The following ZNF626 variants were observed in gnomAD, a reference collection of about 807,000 sequenced individuals.
ZNF626 encodes zinc finger protein 626.
Under a neutral mutation model 11.7 loss-of-function variants are expected in ZNF626, and 4 were observed. The ratio of observed to expected loss-of-function variants is 0.34; its 90% CI spans 0.17 to 0.78. The LOEUF is 0.78. Among genes scored for constraint, ZNF626 ranks in the 30% least tolerant of loss-of-function variants. The pLI is 0.57. For missense variants in ZNF626, 588 were observed against 587.1 expected (o/e 1.00, Z -0.01); for synonymous variants, 179 against 198.6 (o/e 0.90, Z 0.83).
intron 3 of ZNF626, among the ~76,000 whole-genome samples, chr19:20,640,199 A>G (rs1221510032): frequency 4.1e-5 from 4 of 97,270 alleles, no homozygotes; most frequent in Non-Finnish European, 7.2e-5. Context: ...AAAATATTTT[A>G]ATTTTTTAAT....
intron 1 of ZNF626, among the ~76,000 whole-genome samples, chr19:20,648,636 G>A (rs572983808): frequency 1.2e-4 from 18 of 152,248 alleles, no homozygotes; most frequent in Admixed American, 5.2e-4. Context: ...CTCCCAAAGT[G>A]CTGGGATTAT....
chr19:20,651,377 T>G (rs1244277408), intron 1 of ZNF626, among the ~76,000 whole-genome samples: 3 of 151,240 alleles, frequency 2.0e-5, no homozygotes, highest in Admixed American at 6.6e-5. Flanking sequence ...TAGACTAAGT[T>G]TCTGGATTGT....
At chr19:20,652,218 T>C (rs1970153672) in intron 1 of ZNF626, among the ~76,000 whole-genome samples, 1 of 151,924 alleles carries the variant, frequency 6.6e-6, no homozygotes, top group Non-Finnish European at 1.5e-5. Flanking sequence ...TCCTTTGGTG[T>C]TACAGCAAGT....
At chr19:20,632,660 T>C (rs1278826402) in intron 3 of ZNF626, among the ~76,000 whole-genome samples, 1 of 152,212 alleles carries the variant, frequency 6.6e-6, no homozygotes, top group African/African-American at 2.4e-5. Flanking sequence ...AGAACTTCTC[T>C]GCATTGGTTA....
rs916034208 is a variant in ZNF626, at chr19:20,623,451, T to C, written c.*839A>G. On this transcript the variant is annotated 3_prime_UTR_variant, in exon 4 of 4. Transcript: ENST00000601440. ...GTGTTGAAAAAAGCACTGTCACATC[T>C]TTCAGGTTTGTAGAGTTCCTCTTCA... The C allele has an allele frequency of 4.6e-5, 7 of 152,456 alleles. No homozygotes were observed. Among genetic ancestry groups the C allele is most frequent in the African/African-American group, 1.7e-4 (7 of 41,436 alleles). 9.4% of individuals were successfully genotyped at this position (152,456 alleles called of 1,614,324 possible).
At chr19:20,628,555 T>C (rs1969866460) in intron 3 of ZNF626, among the ~76,000 whole-genome samples, 1 of 152,086 alleles carries the variant, frequency 6.6e-6, no homozygotes, top group Non-Finnish European at 1.5e-5. Flanking sequence ...TTTTCATCTG[T>C]TTTTTTGGCT....
Position 20,625,522 on chromosome 19 carries a change from T to C in ZNF626, c.355A>G (p.Ser119Gly). ...DNLQLKKGCI[S>G]VDECKVHKEG... ...TTGTGCACCTTACACTCATCCACACTTATACATCCTTTTTTTAACTGTAAA... is the reference window on the plus strand; with the variant it reads ...TTGTGCACCTTACACTCATCCACACCTATACATCCTTTTTTTAACTGTAAA... The change falls in exon 4 of 4, where the codon AGT becomes GGT. Residue 119 changes from serine (S) to glycine (G), a missense_variant. Coordinates refer to ENST00000601440, the MANE Select transcript of ZNF626 (RefSeq NM_001076675.3). The C allele has an allele frequency of 6.2e-7, 1 of 1,613,694 alleles. No homozygotes were observed. The highest frequency in any genetic ancestry group is 1.7e-5 in the Admixed American group (1 of 59,954).
At chr19:20,638,709 A>G (rs1390592016) in intron 3 of ZNF626, among the ~76,000 whole-genome samples, 2 of 152,038 alleles carry the variant, frequency 1.3e-5, no homozygotes, top group Non-Finnish European at 2.9e-5. Flanking sequence ...TTGATGTAGC[A>G]GAAATCTATA....
At chr19:20,657,341 T>C (rs1048310731) in intron 1 of ZNF626, among the ~76,000 whole-genome samples, 1 of 152,090 alleles carries the variant, frequency 6.6e-6, no homozygotes, top group Non-Finnish European at 1.5e-5. Context: ...AATCATGCTA[T>C]GGCACTCTAG....
At chr19:20,653,544 G>A (rs1344018283) in intron 1 of ZNF626, among the ~76,000 whole-genome samples, 3 of 150,752 alleles carry the variant, frequency 2.0e-5, no homozygotes, top group Non-Finnish European at 4.4e-5. Flanking sequence ...CAGGATAATC[G>A]CTTGAACCTG....
chr19:20,625,776 C>T (rs1449865081), intron 3 of ZNF626, 126 bp from the exon 4 acceptor site: 3 of 985,650 alleles, frequency 3.0e-6, no homozygotes, highest in Middle Eastern at 2.5e-4. Context: ...ATACCACAAG[C>T]TGTAATTTCT....
intron 3 of ZNF626, among the ~76,000 whole-genome samples, chr19:20,643,056 T>C (rs1555771633): frequency 6.6e-6 from 1 of 151,992 alleles, no homozygotes; most frequent in Non-Finnish European, 1.5e-5. Context: ...AATCTTTAAC[T>C]AGTATTATGT....
At chr19:20,643,621 AAAT>A (rs1970046079) in intron 3 of ZNF626, among the ~76,000 whole-genome samples, 1 of 152,178 alleles carries the variant, frequency 6.6e-6, no homozygotes, top group South Asian at 2.1e-4. Context: ...AGTAAGATGA[AAAT>A]AATAAAAGTG....
At chr19:20,647,738 G>A (rs1432496206) in intron 1 of ZNF626, among the ~76,000 whole-genome samples, 3 of 151,732 alleles carry the variant, frequency 2.0e-5, no homozygotes, top group African/African-American at 4.8e-5. Context: ...CACCCACCTC[G>A]GCCTCCCAAA....
chr19:20,634,351 C>T (rs1969943232), intron 3 of ZNF626, among the ~76,000 whole-genome samples: 1 of 152,204 alleles, frequency 6.6e-6, no homozygotes, highest in African/African-American at 2.4e-5. Flanking sequence ...CATCAGGATA[C>T]ACAGCCTTCT....
At chr19:20,633,390 C>A (rs1969930354) in intron 3 of ZNF626, among the ~76,000 whole-genome samples, 1 of 118,264 alleles carries the variant, frequency 8.5e-6, no homozygotes, top group African/African-American at 4.1e-5. Flanking sequence ...AGAGGTGGAG[C>A]CTAAGAGGCA....
At chr19:20,655,741 T>C (rs1205822463) in intron 1 of ZNF626, among the ~76,000 whole-genome samples, 1 of 151,716 alleles carries the variant, frequency 6.6e-6, no homozygotes, top group Non-Finnish European at 1.5e-5. Flanking sequence ...GCAAACATCG[T>C]GAAACCCCGT....
intron 1 of ZNF626, among the ~76,000 whole-genome samples, chr19:20,646,807 T>G (rs1372845345): frequency 6.6e-6 from 1 of 152,192 alleles, no homozygotes. Flanking sequence ...TATGCAGGTT[T>G]TTTTTCCCCC....
rs1969820756 is a variant in ZNF626, at chr19:20,625,617, G to A, written c.260C>T (p.Pro87Leu). ...MCSHFAQDLW[P>L]EQSMKDSFQK... ...GAAAGAATCTTTCATGCTCTGCTCT[G>A]GCCAAAGGTCTTGGGCAAAATGAGA... Residue 87 changes from proline to leucine, a missense_variant, in exon 4 of 4, where the codon CCA (proline) becomes CTA (leucine). Pro to Leu is a moderately conservative substitution (Grantham distance 98). Coordinates refer to ENST00000601440, the MANE Select transcript of ZNF626 (RefSeq NM_001076675.3). 1 of 1,563,028 alleles carries A rather than the reference G, an allele frequency of 6.4e-7. No homozygotes were observed. The highest frequency in any genetic ancestry group is 1.4e-5 in the African/African-American group (1 of 72,666).
Sources: gnomAD v4.1 joint callset for allele counts (sites outside exome capture counted in the v4.1 genomes callset) on GRCh38, gnomAD v4.1.1 for gene constraint, MANE v1.5 for transcripts, NCBI Gene and HGNC (gene_info 2026-07-23, HGNC 2026-07-21) for gene names.